Variants in LIPA observed in about 807,000 individuals in gnomAD.
LIPA encodes lysosomal acid lipase/cholesteryl ester hydrolase.
A neutral mutation model predicts 40.6 loss-of-function variants in LIPA; 26 were observed. The ratio of observed to expected loss-of-function variants is 0.64; its 90% CI spans 0.47 to 0.89. The LOEUF (loss-of-function observed/expected upper bound fraction) is 0.89. LIPA is among the 40% of genes least tolerant of loss of function. The probability of loss-of-function intolerance (pLI) is 0.00; values close to 1 mark genes in which losing one functional copy is unlikely to be tolerated. For missense variants in LIPA, 455 were observed against 479.6 expected, an observed-to-expected ratio of 0.95 and a Z score of 0.48; for synonymous variants, 188 against 168.4, an observed-to-expected ratio of 1.12 and a Z score of -0.90.
At position 89,378,801 on chromosome 10, in the gene LIPA, G is replaced by A. The variant is rs929803171; in HGVS notation, c.61+33990C>T. Among the ~76,000 whole-genome samples the A allele has an allele frequency of 6.6e-5, 10 of 152,210 alleles. 1 individual carries two copies. Among genetic ancestry groups the A allele is most frequent in the African/African-American group, 2.4e-4 (10 of 41,460 alleles). On this transcript the variant is annotated intron_variant, in intron 2 of 8. Coordinates refer to the LIPA transcript ENST00000371837. ...CTGTTACAGAGCTCGCTTAGTAAGG[G>A]TAGCTGGCTTAATAAAAGCAGCAAT...
At chr10:89,281,363 G>A (rs370054122) in intron 1 of LIPA, among the ~76,000 whole-genome samples, 11 of 152,194 alleles carry the variant, frequency 7.2e-5, no homozygotes, top group Admixed American at 5.2e-4. Flanking sequence ...CATCCGGCCT[G>A]TTGACTACAA....
chr10:89,291,356 C>T (rs1258933425), intron 1 of LIPA, among the ~76,000 whole-genome samples: 1 of 152,164 alleles, frequency 6.6e-6, no homozygotes, highest in Non-Finnish European at 1.5e-5. Context: ...CAACCCCCTT[C>T]CCCATTCCAC....
chr10:89,392,571 C>G (rs1844271824), intron 2 of LIPA: 1 of 775,414 alleles, frequency 1.3e-6, no homozygotes, highest in Non-Finnish European at 2.1e-6. Flanking sequence ...CAGCTTACAC[C>G]ATTGGCTGCT....
chr10:89,350,259 C>T (rs553910931), intron 2 of LIPA, among the ~76,000 whole-genome samples: 31 of 137,962 alleles, frequency 2.2e-4, no homozygotes, highest in African/African-American at 7.0e-4. Flanking sequence ...TTAGGTGCAC[C>T]GGCCCAGTCA....
At chr10:89,222,152 T>TA (rs34107465) in intron 8 of LIPA, among the ~76,000 whole-genome samples, 23,040 of 149,984 alleles carry the variant, frequency 0.15, 2,057 homozygotes, top group African/African-American at 0.23. Context: ...AACACAGAAA[T>TA]AAAAAAAATC....
intron 1 of LIPA, among the ~76,000 whole-genome samples, chr10:89,305,229 G>T (rs1252751715): frequency 1.3e-5 from 2 of 152,042 alleles, no homozygotes; most frequent in East Asian, 1.9e-4. Flanking sequence ...AAGAATGGTT[G>T]AAAATAAGAT....
At chr10:89,336,751 C>G (rs1589609207) in intron 1 of LIPA, among the ~76,000 whole-genome samples, 2 of 152,198 alleles carry the variant, frequency 1.3e-5, no homozygotes, top group South Asian at 4.1e-4. Flanking sequence ...TGGTTCATAA[C>G]TTTTTTTCTG....
At chr10:89,391,520 A>G (rs1564806435) in intron 2 of LIPA, among the ~76,000 whole-genome samples, 1 of 151,784 alleles carries the variant, frequency 6.6e-6, no homozygotes, top group African/African-American at 2.4e-5. Flanking sequence ...CCGGACAACA[A>G]TTTTTTATTT....
intron 2 of LIPA, among the ~76,000 whole-genome samples, chr10:89,358,605 A>T (rs1453545899): frequency 6.6e-6 from 1 of 152,212 alleles, no homozygotes; most frequent in Non-Finnish European, 1.5e-5. Context: ...AAAAGAATGA[A>T]ATCCTGTCAT....
At chr10:89,271,797 T>A (rs2133492961) in intron 1 of LIPA, among the ~76,000 whole-genome samples, 1 of 152,202 alleles carries the variant, frequency 6.6e-6, no homozygotes, top group East Asian at 1.9e-4. Flanking sequence ...CTCAGTGGCT[T>A]ACGCTTGTAA....
chr10:89,392,042 C>T (rs1353483923), intron 2 of LIPA, among the ~76,000 whole-genome samples: 2 of 152,056 alleles, frequency 1.3e-5, no homozygotes, highest in Non-Finnish European at 2.9e-5. Flanking sequence ...TTGCTTTTAC[C>T]TCCTGCCTAA....
At chr10:89,413,934 T>A (rs1198252035) in intron 1 of LIPA, among the ~76,000 whole-genome samples, 1 of 152,192 alleles carries the variant, frequency 6.6e-6, no homozygotes, top group African/African-American at 2.4e-5. Flanking sequence ...TGTTTGTCAA[T>A]ATTTGCTGAA....
chr10:89,336,878 T>G (rs1414179497), intron 1 of LIPA, among the ~76,000 whole-genome samples: 1 of 152,174 alleles, frequency 6.6e-6, no homozygotes, highest in East Asian at 1.9e-4. Flanking sequence ...AAGCACAAAC[T>G]CAAGAGTGAG....
At chr10:89,373,884 A>G (rs1188520128) in intron 2 of LIPA, among the ~76,000 whole-genome samples, 7 of 152,192 alleles carry the variant, frequency 4.6e-5, no homozygotes, top group Admixed American at 2.0e-4. Flanking sequence ...ACTGTAACAG[A>G]CCATATCCTG....
intron 2 of LIPA, among the ~76,000 whole-genome samples, chr10:89,394,763 A>C (rs1346336899): frequency 5.3e-5 from 8 of 151,894 alleles, no homozygotes; most frequent in African/African-American, 1.5e-4. Context: ...ACTACTGTGC[A>C]ATCATCATCA....
intron 1 of LIPA, among the ~76,000 whole-genome samples, chr10:89,294,248 G>A (rs1843395407): frequency 6.6e-6 from 1 of 152,194 alleles, no homozygotes; most frequent in Non-Finnish European, 1.5e-5. Flanking sequence ...AAAAATTAAT[G>A]CTGAAAAATG....
At chr10:89,231,678 A>G (rs976643590) in intron 3 of LIPA, among the ~76,000 whole-genome samples, 1 of 152,124 alleles carries the variant, frequency 6.6e-6, no homozygotes, top group Non-Finnish European at 1.5e-5. Flanking sequence ...AGGTCTTACT[A>G]TGTTGCCCAG....
chr10:89,224,276 C>G (rs1168590382), intron 6 of LIPA, among the ~76,000 whole-genome samples: 1 of 152,144 alleles, frequency 6.6e-6, no homozygotes, highest in East Asian at 1.9e-4. Context: ...CAGCCCATCG[C>G]TTGCTTTTTT....
rs1437059855 is a variant in LIPA, at chr10:89,214,948, G to T, written c.1080C>A (p.Ile360=). The part of the protein sequence containing the change: ...VYDVNILLTQ[I]TNLVFHESIP... ...TGCTCTCATGGAACACCAAGTTGGT[G>T]ATCTGAGTCAGTAAGATATTGACGT... is the stretch of plus-strand genomic sequence containing the variant. Residue 360 remains isoleucine, a synonymous_variant, in exon 10 of 10, where the codon ATC becomes ATA. Transcript: ENST00000336233. 6.2e-7 allele frequency: 1 copy of T among 1,614,108 alleles called. No homozygotes were observed. Among genetic ancestry groups the T allele is most frequent in the Non-Finnish European group, 8.5e-7 (1 of 1,179,958 alleles).
Sources: allele counts gnomAD v4.1 joint callset (sites outside exome capture counted in the v4.1 genomes callset), GRCh38; gene constraint gnomAD v4.1.1; transcripts MANE v1.5; gene names NCBI Gene and HGNC (gene_info 2026-07-23, HGNC 2026-07-21).